ARID1B: variants seen among roughly 807,000 people sequenced by gnomAD.
ARID1B encodes AT-rich interactive domain-containing protein 1B.
In ARID1B, 30 loss-of-function variants were observed where a neutral mutation model predicts 212.3. The ratio of observed to expected loss-of-function variants is 0.14; its 90% CI spans 0.11 to 0.19. The LOEUF (loss-of-function observed/expected upper bound fraction) is 0.19, where lower values mean the gene tolerates loss of function less well. Ranked by LOEUF, ARID1B falls within the 10% of genes least tolerant of loss-of-function variation. The pLI, the probability that ARID1B is intolerant of heterozygous loss-of-function variation, is 1.00. For synonymous variants in ARID1B, 1,402 were observed against 1,301.7 expected, an observed-to-expected ratio of 1.08 and a Z score of -1.66; for missense variants, 2,891 against 3,204.0, an observed-to-expected ratio of 0.90 and a Z score of 2.36.
chr6:156,906,345 C>T (rs894996624), intron 3 of ARID1B, among the ~76,000 whole-genome samples: 2 of 151,408 alleles, frequency 1.3e-5, no homozygotes, highest in Admixed American at 6.6e-5. Flanking sequence ...GTCAGGAGTT[C>T]GAGACCAGCC....
At chr6:156,806,321 C>T (rs1448778180) in intron 1 of ARID1B, among the ~76,000 whole-genome samples, 1 of 152,234 alleles carries the variant, frequency 6.6e-6, no homozygotes, top group Non-Finnish European at 1.5e-5. Context: ...GACCCCATGC[C>T]TTACCGTGCC....
At chr6:156,976,129 A>T (rs577935884) in intron 4 of ARID1B, among the ~76,000 whole-genome samples, 3 of 152,280 alleles carry the variant, frequency 2.0e-5, no homozygotes, top group Non-Finnish European at 1.5e-5. Flanking sequence ...TGGGGCAGGA[A>T]CAAATCACAA....
At position 157,208,715 on chromosome 6, in the gene ARID1B, CTTTTTTTTT is replaced by C. The variant is rs878880822; in HGVS notation, c.*834_*842del. 1 of 140,030 alleles carries C rather than the reference CTTTTTTTTT, an allele frequency of 7.1e-6. No individual in the cohort carries two copies. The highest frequency in any genetic ancestry group is 3.1e-4 in the South Asian group (1 of 3,270). The allele number at this position is 140,030 out of a possible 1,614,324, so 8.7% of individuals were successfully genotyped here. A position where few individuals can be genotyped will look rare whatever the true frequency, so the allele number is the denominator to read the frequency against. On this transcript the variant is annotated 3_prime_UTR_variant, in exon 20 of 20. Coordinates refer to ENST00000636930, the MANE Select transcript of ARID1B (RefSeq NM_001374828.1). ...AAACATACCCTCATTTTTTTCTTTT[CTTTTTTTTT>C]TTTTTTTTTAGTACAAAGTTTTAGT...
intron 7 of ARID1B, among the ~76,000 whole-genome samples, chr6:157,145,577 G>A (rs1469040772): frequency 6.6e-6 from 1 of 152,174 alleles, no homozygotes; most frequent in Non-Finnish European, 1.5e-5. Flanking sequence ...AGTCTGCAGA[G>A]GTCTCTTGCA....
intron 4 of ARID1B, among the ~76,000 whole-genome samples, chr6:156,944,772 C>T (rs1792940783): frequency 6.6e-6 from 1 of 152,148 alleles, no homozygotes; most frequent in African/African-American, 2.4e-5. Context: ...ACACACTATG[C>T]TTTTTAAACC....
chr6:156,991,253 C>T (rs1403313029), intron 4 of ARID1B, among the ~76,000 whole-genome samples: 3 of 152,142 alleles, frequency 2.0e-5, no homozygotes, highest in Non-Finnish European at 4.4e-5. Context: ...TTTTTTGAGA[C>T]GGAGTTTCTC....
At chr6:156,991,962 GA>G (rs1778299291) in intron 4 of ARID1B, among the ~76,000 whole-genome samples, 1 of 152,050 alleles carries the variant, frequency 6.6e-6, no homozygotes, top group South Asian at 2.1e-4. Flanking sequence ...TAATAACAAA[GA>G]AAACATTTTT....
chr6:156,787,228 A>G (rs1779706650), intron 1 of ARID1B, among the ~76,000 whole-genome samples: 1 of 152,190 alleles, frequency 6.6e-6, no homozygotes, highest in South Asian at 2.1e-4. Flanking sequence ...AAGTTAAAAC[A>G]GTCTGTTCAG....
chr6:156,943,766 T>C lies in ARID1B; in HGVS notation c.2247+8190T>C, dbSNP rs185887628. The C allele has an allele frequency of 3.1e-3, 467 of 152,308 alleles. 1 individual carries two copies. Among genetic ancestry groups the C allele is most frequent in the African/African-American group, 0.011 (437 of 41,562 alleles). The allele number at this position is 152,308 out of a possible 1,614,324, so 9.4% of individuals were successfully genotyped here. ...AGAGCTCTTGATTTAACCTGATTAT[T>C]AGACTGAAATGAAATAAATATTTAA... On this transcript the variant is annotated intron_variant, in intron 4 of 19. Coordinates refer to ENST00000636930, the MANE Select transcript of ARID1B (RefSeq NM_001374828.1).
rs576537397 is a variant in ARID1B at position 157,043,616 on chromosome 6, T to C, written c.2248-41046T>C. On this transcript the variant is annotated intron_variant, in intron 4 of 19. Transcript: ENST00000636930. ...TACTGATGATTAAGAGTTTTACTGA[T>C]AGTGTTAACAATTGTCACTGCTAAG... 1.4e-4 allele frequency among the ~76,000 whole-genome samples: 21 copies of C among 152,338 alleles called. 2 individuals are homozygous for C. Among genetic ancestry groups the C allele is most frequent in the African/African-American group, 5.1e-4 (21 of 41,578 alleles).
At chr6:157,061,527 A>G (rs1357636253) in intron 4 of ARID1B, among the ~76,000 whole-genome samples, 14 of 152,184 alleles carry the variant, frequency 9.2e-5, no homozygotes, top group Middle Eastern at 3.4e-3. Flanking sequence ...TGGGTATTTT[A>G]ACTCCTGGTT....
chr6:157,115,501 A>G (rs1787263725), intron 6 of ARID1B, among the ~76,000 whole-genome samples: 1 of 152,172 alleles, frequency 6.6e-6, no homozygotes. Context: ...ATCTCAGCTC[A>G]CTGTGAGCTC....
Position 157,210,706 on chromosome 6 carries a change from C to CA in ARID1B, c.*2829dup, listed in dbSNP as rs201959218. The CA allele has an allele frequency of 0.064, 11,807 of 183,064 alleles. 153 individuals are homozygous for CA. Among genetic ancestry groups the CA allele is most frequent in the Non-Finnish European group, 0.076 (7,212 of 94,782 alleles). The allele number at this position is 183,064 out of a possible 1,614,324, so 11.3% of individuals were successfully genotyped here. A position where few individuals can be genotyped will look rare whatever the true frequency, so the allele number is the denominator to read the frequency against. Reference sequence around the variant, plus strand: ...GGATGCCCAGACTTTACATGTGTACCAAAAAAAAAAAAAAGATAAAAAATA... The same window carrying CA: ...GGATGCCCAGACTTTACATGTGTACCAAAAAAAAAAAAAAAGATAAAAAATA... On this transcript the variant is annotated 3_prime_UTR_variant, in exon 20 of 20. Coordinates refer to ENST00000636930, the MANE Select transcript of ARID1B (RefSeq NM_001374828.1).
intron 4 of ARID1B, among the ~76,000 whole-genome samples, chr6:157,060,809 G>C (rs1783297880): frequency 6.6e-6 from 1 of 151,756 alleles, no homozygotes; most frequent in African/African-American, 2.4e-5. Flanking sequence ...TTCCTTCTCA[G>C]CTTCTCTGAG....
chr6:156,860,961 C>A (rs1462468140), intron 2 of ARID1B, among the ~76,000 whole-genome samples: 2 of 152,142 alleles, frequency 1.3e-5, no homozygotes, highest in African/African-American at 2.4e-5. Context: ...TCTAATGACA[C>A]AAAAACTTGG....
chr6:156,857,264 TAACAA>T (rs1785016734), intron 2 of ARID1B, among the ~76,000 whole-genome samples: 1 of 152,214 alleles, frequency 6.6e-6, no homozygotes, highest in Admixed American at 6.5e-5. Context: ...GGTTTTCTGA[TAACAA>T]AACAATATTC....
chr6:157,154,342 G>T (rs1790402602), intron 8 of ARID1B, among the ~76,000 whole-genome samples: 1 of 152,134 alleles, frequency 6.6e-6, no homozygotes, highest in African/African-American at 2.4e-5. Flanking sequence ...TTCTGGCAGG[G>T]ATCTTTAAGC....
intron 2 of ARID1B, among the ~76,000 whole-genome samples, chr6:156,885,591 A>G (rs1179520238): frequency 2.0e-5 from 3 of 152,170 alleles, no homozygotes; most frequent in Admixed American, 1.3e-4. Flanking sequence ...TACTTGGTAC[A>G]TGTTCCACCT....
intron 4 of ARID1B, among the ~76,000 whole-genome samples, chr6:156,976,082 G>T (rs1245581069): frequency 6.6e-6 from 1 of 152,018 alleles, no homozygotes; most frequent in African/African-American, 2.4e-5. Context: ...GGGCTGGGAG[G>T]GGGTGTATTG....
Sources: gnomAD v4.1 joint callset for allele counts (sites outside exome capture counted in the v4.1 genomes callset) on GRCh38, gnomAD v4.1.1 for gene constraint, MANE v1.5 for transcripts, NCBI Gene and HGNC (gene_info 2026-07-23, HGNC 2026-07-21) for gene names.